Variants in ARHGAP28 observed in about 807,000 individuals in gnomAD.
The protein encoded by ARHGAP28 is rho GTPase-activating protein 28.
In ARHGAP28, 56 loss-of-function variants were observed where a neutral mutation model predicts 90.7. The observed-to-expected ratio is 0.62, with a 90% CI of 0.50 to 0.77. ARHGAP28 has a LOEUF of 0.77. ARHGAP28 is among the 30% of genes least tolerant of loss of function. The pLI is 0.00. For synonymous variants in ARHGAP28, 308 were observed against 323.3 expected (o/e 0.95, Z 0.51); for missense variants, 869 against 900.9 (o/e 0.96, Z 0.45).
intron 1 of ARHGAP28, among the ~76,000 whole-genome samples, chr18:6,778,728 G>A (rs549097684): frequency 3.1e-4 from 47 of 152,314 alleles, no homozygotes; most frequent in African/African-American, 1.1e-3. Flanking sequence ...GAGCATTAGT[G>A]CATCTTGATT....
intron 5 of ARHGAP28, among the ~76,000 whole-genome samples, chr18:6,864,828 G>A (rs2057026137): frequency 6.6e-6 from 1 of 151,574 alleles, no homozygotes; most frequent in African/African-American, 2.4e-5. Context: ...GGGATTATAC[G>A]TGTGCACCAC....
At chr18:6,763,290 C>T (rs1438379864) in intron 1 of ARHGAP28, among the ~76,000 whole-genome samples, 1 of 152,022 alleles carries the variant, frequency 6.6e-6, no homozygotes, top group African/African-American at 2.4e-5. Context: ...ACCACGTTGG[C>T]CAGGCTGGTC....
At chr18:6,830,403 GT>G (rs2056706081) in intron 2 of ARHGAP28, among the ~76,000 whole-genome samples, 1 of 151,668 alleles carries the variant, frequency 6.6e-6, no homozygotes, top group Admixed American at 6.6e-5. Context: ...AGATATACAC[GT>G]GCCATGGTGT....
At chr18:6,856,751 A>G (rs1355737051) in intron 4 of ARHGAP28, among the ~76,000 whole-genome samples, 1 of 151,930 alleles carries the variant, frequency 6.6e-6, no homozygotes, top group Non-Finnish European at 1.5e-5. Context: ...TCACCCAGAA[A>G]TTTTTCCTGG....
intron 3 of ARHGAP28, among the ~76,000 whole-genome samples, chr18:6,839,540 G>T (rs192537421): frequency 1.6e-4 from 24 of 151,968 alleles, no homozygotes; most frequent in Admixed American, 8.5e-4. Context: ...CTCGTGATCC[G>T]CCTGCCTCGG....
chr18:6,785,417 C>T (rs573783672), intron 1 of ARHGAP28, among the ~76,000 whole-genome samples: 1 of 152,318 alleles, frequency 6.6e-6, no homozygotes, highest in African/African-American at 2.4e-5. Context: ...AAAGATAGCT[C>T]CATCACTCTG....
At chr18:6,897,303 G>A (rs2057311669) in intron 16 of ARHGAP28, 1 of 152,188 alleles carries the variant, frequency 6.6e-6, no homozygotes, top group African/African-American at 2.4e-5. Context: ...TCCTAGGCTT[G>A]CATTGACTTT....
intron 4 of ARHGAP28, 117 bp from the exon 5 acceptor site, chr18:6,859,691 G>A: frequency 1.0e-6 from 1 of 1,000,002 alleles, no homozygotes; most frequent in Non-Finnish European, 1.5e-6. Flanking sequence ...CCATGCACAG[G>A]CAGTCATAAT....
At chr18:6,740,911 C>T (rs552341739) in intron 1 of ARHGAP28, among the ~76,000 whole-genome samples, 4 of 152,292 alleles carry the variant, frequency 2.6e-5, no homozygotes, top group South Asian at 2.1e-4. Flanking sequence ...ATTACCACAG[C>T]GTTCACTCAG....
intron 1 of ARHGAP28, among the ~76,000 whole-genome samples, chr18:6,801,176 T>C (rs2056478967): frequency 6.6e-6 from 1 of 152,214 alleles, no homozygotes; most frequent in South Asian, 2.1e-4. Context: ...CATTTTTGTA[T>C]ATGGTGTGTG....
chr18:6,848,823 C>G (rs775923862), intron 3 of ARHGAP28, among the ~76,000 whole-genome samples: 10 of 152,158 alleles, frequency 6.6e-5, no homozygotes, highest in Non-Finnish European at 1.3e-4. Flanking sequence ...TCAGGACATG[C>G]AAACAGAAGC....
At chr18:6,786,157 C>CCT (rs1451342072) in intron 1 of ARHGAP28, among the ~76,000 whole-genome samples, 1 of 152,140 alleles carries the variant, frequency 6.6e-6, no homozygotes, top group African/African-American at 2.4e-5. Flanking sequence ...GAGTGACCAG[C>CCT]GTAGTGATTT....
At chr18:6,809,567 T>A (rs182147212) in intron 1 of ARHGAP28, among the ~76,000 whole-genome samples, 157 of 152,128 alleles carry the variant, frequency 1.0e-3, no homozygotes, top group African/African-American at 3.6e-3. Flanking sequence ...CAGGCACATA[T>A]TTACATGGCC....
intron 4 of ARHGAP28, among the ~76,000 whole-genome samples, chr18:6,855,695 G>A (rs375130581): frequency 6.6e-6 from 1 of 152,214 alleles, no homozygotes; most frequent in African/African-American, 2.4e-5. Flanking sequence ...CCTTTGGGGA[G>A]CCCAGACCTA....
intron 4 of ARHGAP28, among the ~76,000 whole-genome samples, chr18:6,859,437 T>G (rs893016996): frequency 9.9e-5 from 15 of 152,236 alleles, no homozygotes; most frequent in African/African-American, 3.6e-4. Flanking sequence ...TTTTTCTTAA[T>G]AAATACACTT....
chr18:6,899,987 G>C (rs1243871000), intron 16 of ARHGAP28, among the ~76,000 whole-genome samples: 3 of 152,042 alleles, frequency 2.0e-5, no homozygotes, highest in Non-Finnish European at 4.4e-5. Flanking sequence ...GAGGAGCTGA[G>C]CTTCACCTGC....
intron 7 of ARHGAP28, among the ~76,000 whole-genome samples, chr18:6,873,084 T>C (rs549294448): frequency 6.6e-6 from 1 of 152,208 alleles, no homozygotes; most frequent in Non-Finnish European, 1.5e-5. Context: ...TTAAGGGCCA[T>C]GGTGTGTGCA....
intron 1 of ARHGAP28, among the ~76,000 whole-genome samples, chr18:6,775,032 A>T (rs1271251637): frequency 6.6e-6 from 1 of 152,204 alleles, no homozygotes; most frequent in Non-Finnish European, 1.5e-5. Context: ...CTTCTTCGGG[A>T]AACACAAATG....
intron 1 of ARHGAP28, among the ~76,000 whole-genome samples, chr18:6,772,789 C>CA: frequency 6.6e-6 from 1 of 151,768 alleles, no homozygotes; most frequent in Non-Finnish European, 1.5e-5. Flanking sequence ...GGCTGGAGTG[C>CA]AATGGCACGG....
Sources: allele counts gnomAD v4.1 joint callset (sites outside exome capture counted in the v4.1 genomes callset), GRCh38; gene constraint gnomAD v4.1.1; transcripts MANE v1.5; gene names NCBI Gene and HGNC (gene_info 2026-07-23, HGNC 2026-07-21).